Variants in INPP4B observed in about 807,000 individuals in gnomAD.
INPP4B encodes the protein inositol polyphosphate-4-phosphatase type II B, also known as inositol polyphosphate 4-phosphatase type II.
A neutral mutation model predicts 122.5 loss-of-function variants in INPP4B; 55 were observed. The ratio of observed to expected loss-of-function variants is 0.45; its 90% CI spans 0.36 to 0.56. The LOEUF is 0.56. Ranked by LOEUF, INPP4B falls within the 20% of genes least tolerant of loss-of-function variation. The probability of loss-of-function intolerance (pLI) is 0.00; values close to 1 mark genes in which losing one functional copy is unlikely to be tolerated. For synonymous variants in INPP4B, 403 were observed against 388.7 expected (o/e 1.04, Z -0.43); for missense variants, 1,000 against 1,097.7 (o/e 0.91, Z 1.26).
intron 11 of INPP4B, among the ~76,000 whole-genome samples, chr4:142,259,529 G>A (rs1032567171): frequency 3.3e-5 from 5 of 151,108 alleles, no homozygotes; most frequent in African/African-American, 1.2e-4. Flanking sequence ...GGAAAAAATT[G>A]TTATAATTGT....
At chr4:142,698,449 A>G (rs1761297538) in intron 2 of INPP4B, among the ~76,000 whole-genome samples, 1 of 152,092 alleles carries the variant, frequency 6.6e-6, no homozygotes, top group African/African-American at 2.4e-5. Context: ...TCTCCACTTT[A>G]TTAGGACTAT....
chr4:142,748,819 AC>A (rs1461196047), intron 1 of INPP4B, among the ~76,000 whole-genome samples: 1 of 152,078 alleles, frequency 6.6e-6, no homozygotes, highest in Non-Finnish European at 1.5e-5. Flanking sequence ...GAAGCACAAA[AC>A]AACAGCAGAA....
chr4:142,507,027 C>T (rs1420536411), intron 2 of INPP4B, among the ~76,000 whole-genome samples: 2 of 152,170 alleles, frequency 1.3e-5, no homozygotes, highest in African/African-American at 4.8e-5. Flanking sequence ...ACATTGTTCT[C>T]TTTTGAAATT....
chr4:142,620,131 G>T (rs1185294665), intron 2 of INPP4B, among the ~76,000 whole-genome samples: 1 of 151,852 alleles, frequency 6.6e-6, no homozygotes, highest in African/African-American at 2.4e-5. Flanking sequence ...ACTACCATTC[G>T]GCCCAACAAT....
intron 18 of INPP4B, among the ~76,000 whole-genome samples, chr4:142,143,608 T>C (rs1809014672): frequency 6.6e-6 from 1 of 151,996 alleles, no homozygotes; most frequent in Non-Finnish European, 1.5e-5. Flanking sequence ...ATAAAATAAG[T>C]ATTCATGAGT....
intron 25 of INPP4B, among the ~76,000 whole-genome samples, chr4:142,062,290 A>G (rs1761359750): frequency 6.7e-6 from 1 of 148,898 alleles, no homozygotes; most frequent in African/African-American, 2.6e-5. Context: ...CCACACCATC[A>G]TCACAGCACC....
chr4:142,670,957 G>T (rs1432894184), intron 2 of INPP4B, among the ~76,000 whole-genome samples: 4 of 151,998 alleles, frequency 2.6e-5, no homozygotes, highest in African/African-American at 9.7e-5. Context: ...AAGAGGGGAA[G>T]CTAGAAGCCT....
At chr4:142,413,238 C>G (rs938015473) in intron 5 of INPP4B, among the ~76,000 whole-genome samples, 2 of 152,046 alleles carry the variant, frequency 1.3e-5, no homozygotes, top group African/African-American at 4.8e-5. Flanking sequence ...AAATTCAAAG[C>G]CAGGGTCTTT....
chr4:142,721,998 C>G (rs981894546), intron 2 of INPP4B, among the ~76,000 whole-genome samples: 1 of 152,012 alleles, frequency 6.6e-6, no homozygotes, highest in Non-Finnish European at 1.5e-5. Context: ...CTGCTTTACT[C>G]ATAAGGAAAA....
chr4:142,518,510 A>C (rs962441221), intron 2 of INPP4B, among the ~76,000 whole-genome samples: 2 of 152,154 alleles, frequency 1.3e-5, no homozygotes, highest in Non-Finnish European at 2.9e-5. Context: ...AGTGGTAGCC[A>C]ATCTCTAAGG....
chr4:142,083,291 C>T (rs1333805139), intron 24 of INPP4B, among the ~76,000 whole-genome samples: 2 of 152,126 alleles, frequency 1.3e-5, no homozygotes, highest in African/African-American at 2.4e-5. Flanking sequence ...AGAATCAAGT[C>T]TCTTAATTTC....
intron 7 of INPP4B, among the ~76,000 whole-genome samples, chr4:142,396,675 T>A (rs1799475509): frequency 6.6e-6 from 1 of 152,124 alleles, no homozygotes; most frequent in Admixed American, 6.6e-5. Context: ...GATGTTTTAT[T>A]CATCATTGTC....
chr4:142,537,740 AGTGT>A (rs72363974), intron 2 of INPP4B, among the ~76,000 whole-genome samples: 66,385 of 146,432 alleles, frequency 0.45, 16,452 homozygotes, highest in Non-Finnish European at 0.58. Flanking sequence ...TGTGTATATG[AGTGT>A]GTGTGTGTGT....
chr4:142,427,910 T>C (rs768161632), intron 5 of INPP4B, among the ~76,000 whole-genome samples: 4 of 151,910 alleles, frequency 2.6e-5, no homozygotes, highest in Admixed American at 6.6e-5. Flanking sequence ...TTTTTATATC[T>C]GATACAATCT....
chr4:142,282,087 T>C (rs141660981), intron 9 of INPP4B, among the ~76,000 whole-genome samples: 6 of 152,198 alleles, frequency 3.9e-5, no homozygotes, highest in Non-Finnish European at 5.9e-5. Context: ...ACAAGTGCCA[T>C]GGAGAAAAAT....
rs1484743985 is a variant in INPP4B at position 142,098,364 on chromosome 4, A to AC, written c.2374+9728_2374+9729insG. Among the ~76,000 whole-genome samples, 29 of 149,678 alleles carry AC rather than the reference A, an allele frequency of 1.9e-4. No homozygotes were observed. In the East Asian group the frequency reaches 1.9e-3, roughly 10 times the overall value. The stretch of plus-strand genomic sequence containing the variant: ...CAAACAAACAACAACAACAACAACA[A>AC]AAAAAAAACTAACAACATTGGGGGT... On this transcript the variant is annotated intron_variant, in intron 23 of 25. Transcript: ENST00000262992.
chr4:142,291,122 C>T (rs889364019), intron 9 of INPP4B, among the ~76,000 whole-genome samples: 1 of 152,108 alleles, frequency 6.6e-6, no homozygotes, highest in African/African-American at 2.4e-5. Flanking sequence ...GAAGGGCTAT[C>T]TTCCAGGAAC....
chr4:142,309,436 C>T (rs981920154), intron 8 of INPP4B, among the ~76,000 whole-genome samples: 1 of 152,090 alleles, frequency 6.6e-6, no homozygotes, highest in African/African-American at 2.4e-5. Context: ...CCTATGATCC[C>T]TTATAGCTGT....
chr4:142,322,875 G>A (rs1770625538), intron 7 of INPP4B, among the ~76,000 whole-genome samples: 2 of 152,148 alleles, frequency 1.3e-5, no homozygotes, highest in Non-Finnish European at 2.9e-5. Flanking sequence ...TCCAAGGGAA[G>A]GACCCAAGCA....
Sources: allele counts gnomAD v4.1 joint callset (sites outside exome capture counted in the v4.1 genomes callset), GRCh38; gene constraint gnomAD v4.1.1; transcripts MANE v1.5; gene names NCBI Gene and HGNC (gene_info 2026-07-23, HGNC 2026-07-21).